Variants in CHRM3 observed in about 807,000 individuals in gnomAD.
CHRM3 encodes muscarinic acetylcholine receptor M3.
A neutral mutation model predicts 41.8 loss-of-function variants in CHRM3; 11 were observed. That is an observed-to-expected ratio of 0.26 (90% CI 0.17 to 0.44). The LOEUF (loss-of-function observed/expected upper bound fraction) is 0.44, where lower values mean the gene tolerates loss of function less well. Among genes scored for constraint, CHRM3 ranks in the 20% least tolerant of loss-of-function variants. The probability of loss-of-function intolerance (pLI) is 1.00; values close to 1 mark genes in which losing one functional copy is unlikely to be tolerated. For missense variants in CHRM3, 571 were observed against 745.4 expected, an observed-to-expected ratio of 0.77 and a Z score of 2.72; for synonymous variants, 297 against 301.4, an observed-to-expected ratio of 0.99 and a Z score of 0.15.
At chr1:239,892,366 A>C (rs911294800) in intron 6 of CHRM3, among the ~76,000 whole-genome samples, 4 of 152,198 alleles carry the variant, frequency 2.6e-5, no homozygotes, top group Non-Finnish European at 5.9e-5. Flanking sequence ...CTTTCATTGA[A>C]ATAATCATCT....
At chr1:239,863,860 A>G (rs986201981) in intron 6 of CHRM3, among the ~76,000 whole-genome samples, 1 of 152,192 alleles carries the variant, frequency 6.6e-6, no homozygotes, top group Non-Finnish European at 1.5e-5. Flanking sequence ...GGAATTGACC[A>G]ATCCTAAGTA....
chr1:239,512,826 C>T (rs1413236336), intron 2 of CHRM3, among the ~76,000 whole-genome samples: 1 of 147,908 alleles, frequency 6.8e-6, no homozygotes, highest in African/African-American at 2.5e-5. Flanking sequence ...AAAAAAAAAA[C>T]TGTTAGAATC....
At chr1:239,669,326 A>C (rs1674129513) in intron 4 of CHRM3, among the ~76,000 whole-genome samples, 2 of 152,136 alleles carry the variant, frequency 1.3e-5, no homozygotes, top group Admixed American at 6.5e-5. Flanking sequence ...GTTTCAGACA[A>C]CTTGTAAGGA....
intron 4 of CHRM3, among the ~76,000 whole-genome samples, chr1:239,660,025 G>A (rs12048798): frequency 0.044 from 6,691 of 152,212 alleles, 343 homozygotes; most frequent in African/African-American, 0.12. Flanking sequence ...CAGTGGTATC[G>A]TTATAGCTCA....
At chr1:239,520,349 G>A in intron 2 of CHRM3, among the ~76,000 whole-genome samples, 1 of 152,106 alleles carries the variant, frequency 6.6e-6, no homozygotes, top group East Asian at 1.9e-4. Flanking sequence ...GGAGATGATC[G>A]GATCGTGGGG....
At position 239,467,899 on chromosome 1, in the gene CHRM3, AC is replaced by A. The variant is rs540183012; in HGVS notation, c.-520-24801del. 8.4e-4 allele frequency among the ~76,000 whole-genome samples: 108 copies of A among 129,228 alleles called. 2 individuals carry two copies. The highest frequency in any genetic ancestry group is 2.3e-3 in the Admixed American group (31 of 13,772). The allele number at this position is 129,228 out of a possible 152,430, so 84.8% of individuals were successfully genotyped here. A position where few individuals can be genotyped will look rare whatever the true frequency, so the allele number is the denominator to read the frequency against. ...ATCATTTTCTCCACCAATTTTCCCT[AC>A]CCCCCCCCAACGTTATTCCAAGAGG... On this transcript the variant is annotated intron_variant, in intron 1 of 6. Transcript: ENST00000676153.
At chr1:239,476,055 C>G (rs1666446594) in intron 1 of CHRM3, among the ~76,000 whole-genome samples, 1 of 146,896 alleles carries the variant, frequency 6.8e-6, no homozygotes, top group Non-Finnish European at 1.5e-5. Context: ...ATTCTTAAAG[C>G]ACAGTTACTT....
intron 3 of CHRM3, among the ~76,000 whole-genome samples, chr1:239,619,505 T>C (rs1287638226): frequency 1.3e-5 from 2 of 152,234 alleles, no homozygotes; most frequent in Non-Finnish European, 2.9e-5. Flanking sequence ...GAGCCAATAT[T>C]GTTACTGATT....
intron 3 of CHRM3, among the ~76,000 whole-genome samples, chr1:239,606,961 T>C (rs1006585038): frequency 6.6e-6 from 1 of 152,190 alleles, no homozygotes; most frequent in Admixed American, 6.5e-5. Flanking sequence ...TCTAAGGATG[T>C]GTTCTGGCTT....
chr1:239,796,953 T>C lies in CHRM3; in HGVS notation c.-146-30299T>C, dbSNP rs1669828720. Among the ~76,000 whole-genome samples the C allele has an allele frequency of 1.3e-5, 2 of 152,270 alleles. 1 individual carries two copies. The highest frequency in any genetic ancestry group is 4.1e-4 in the South Asian group (2 of 4,830). On this transcript the variant is annotated intron_variant, in intron 5 of 6. Coordinates refer to ENST00000676153, the MANE Select transcript of CHRM3 (RefSeq NM_001375978.1). ...AAATAAAGTGAATTCATCAACTCTATGACTATTGCCTTTCACCTTACACTA... is the reference window on the plus strand; with the variant it reads ...AAATAAAGTGAATTCATCAACTCTACGACTATTGCCTTTCACCTTACACTA...
intron 1 of CHRM3, among the ~76,000 whole-genome samples, chr1:239,457,530 G>C (rs769783276): frequency 1.3e-5 from 2 of 152,100 alleles, no homozygotes; most frequent in Non-Finnish European, 2.9e-5. Context: ...CATCAAGTTT[G>C]GTACTTTCTT....
At chr1:239,670,619 C>G (rs1195019662) in intron 4 of CHRM3, among the ~76,000 whole-genome samples, 1 of 152,020 alleles carries the variant, frequency 6.6e-6, no homozygotes, top group Non-Finnish European at 1.5e-5. Flanking sequence ...CAAGAGCCTC[C>G]CAGATTCAAG....
intron 3 of CHRM3, among the ~76,000 whole-genome samples, chr1:239,574,467 A>G (rs1428643154): frequency 6.6e-6 from 1 of 152,020 alleles, no homozygotes; most frequent in African/African-American, 2.4e-5. Flanking sequence ...TGCACTGGCC[A>G]GCTCCCTTAC....
chr1:239,788,941 A>G (rs1669126193), intron 5 of CHRM3, among the ~76,000 whole-genome samples: 1 of 152,234 alleles, frequency 6.6e-6, no homozygotes, highest in Admixed American at 6.5e-5. Flanking sequence ...TAACTATTAT[A>G]TAACTTACAA....
chr1:239,897,872 G>A (rs1679143757), intron 6 of CHRM3: 1 of 152,174 alleles, frequency 6.6e-6, no homozygotes, highest in Non-Finnish European at 1.5e-5. Context: ...ACTGCTACAC[G>A]TAAGAGGTCC....
intron 4 of CHRM3, among the ~76,000 whole-genome samples, chr1:239,666,154 A>G (rs963458366): frequency 6.7e-6 from 1 of 148,990 alleles, no homozygotes; most frequent in Non-Finnish European, 1.5e-5. Context: ...AAGCATTCCT[A>G]TTTCTCCACA....
At chr1:239,529,097 G>A in intron 2 of CHRM3, among the ~76,000 whole-genome samples, 1 of 152,034 alleles carries the variant, frequency 6.6e-6, no homozygotes, top group African/African-American at 2.4e-5. Flanking sequence ...GAGTGGTTCT[G>A]AAATGGTTGC....
At chr1:239,880,635 G>A (rs1352766460) in intron 6 of CHRM3, among the ~76,000 whole-genome samples, 1 of 152,078 alleles carries the variant, frequency 6.6e-6, no homozygotes, top group African/African-American at 2.4e-5. Context: ...CGGACTATAG[G>A]TGCACACCAC....
intron 5 of CHRM3, among the ~76,000 whole-genome samples, chr1:239,706,758 A>T (rs916686563): frequency 6.6e-6 from 1 of 151,094 alleles, no homozygotes; most frequent in African/African-American, 2.4e-5. Flanking sequence ...CCCCACACCC[A>T]TGTGCATGTA....
Sources: allele counts gnomAD v4.1 joint callset (sites outside exome capture counted in the v4.1 genomes callset), GRCh38; gene constraint gnomAD v4.1.1; transcripts MANE v1.5; gene names NCBI Gene and HGNC (gene_info 2026-07-23, HGNC 2026-07-21).